Variants in RBFOX1 observed in about 807,000 individuals in gnomAD.
RBFOX1 encodes the protein RNA binding protein fox-1 homolog 1.
Under a neutral mutation model 57.7 loss-of-function variants are expected in RBFOX1, and 8 were observed. That is an observed-to-expected ratio of 0.14 (90% CI 0.08 to 0.25). The LOEUF (loss-of-function observed/expected upper bound fraction) is 0.25. Ranked by LOEUF, RBFOX1 falls within the 10% of genes least tolerant of loss-of-function variation. The pLI, the probability that RBFOX1 is intolerant of heterozygous loss-of-function variation, is 1.00. For synonymous variants in RBFOX1, 326 were observed against 222.4 expected, an observed-to-expected ratio of 1.47 and a Z score of -4.15; for missense variants, 611 against 548.5, an observed-to-expected ratio of 1.11 and a Z score of -1.14.
At chr16:5,812,633 T>C (rs577244172) in intron 3 of RBFOX1, among the ~76,000 whole-genome samples, 5 of 152,026 alleles carry the variant, frequency 3.3e-5, no homozygotes, top group Admixed American at 6.6e-5. Context: ...AAAATTCTTT[T>C]TTATCTTTGG....
intron 1 of RBFOX1, among the ~76,000 whole-genome samples, chr16:5,423,779 TC>T (rs577973911): frequency 1.6e-4 from 25 of 152,296 alleles, no homozygotes; most frequent in Non-Finnish European, 3.1e-4. Flanking sequence ...AATCATCCTC[TC>T]CCTGTTTCGT....
chr16:7,206,476 C>CAT (rs979122011), intron 4 of RBFOX1, among the ~76,000 whole-genome samples: 5 of 148,900 alleles, frequency 3.4e-5, no homozygotes, highest in African/African-American at 9.9e-5. Flanking sequence ...TGCGTGTGTG[C>CAT]ATATATATAT....
At chr16:6,232,354 A>G (rs535486749) in intron 1 of RBFOX1, among the ~76,000 whole-genome samples, 1 of 152,324 alleles carries the variant, frequency 6.6e-6, no homozygotes, top group East Asian at 1.9e-4. Flanking sequence ...ATTCTCAAAG[A>G]AGGGAGGGCT....
chr16:7,562,733 G>T (rs907193438), intron 5 of RBFOX1, among the ~76,000 whole-genome samples: 5 of 150,368 alleles, frequency 3.3e-5, no homozygotes, highest in Non-Finnish European at 7.3e-5. Flanking sequence ...CTTCCCCAGT[G>T]GGGGAAGGAG....
intron 2 of RBFOX1, among the ~76,000 whole-genome samples, chr16:5,515,963 C>T (rs536554128): frequency 6.6e-6 from 1 of 152,132 alleles, no homozygotes; most frequent in African/African-American, 2.4e-5. Context: ...AGAATAGTGC[C>T]ACCAAATCAG....
intron 2 of RBFOX1, among the ~76,000 whole-genome samples, chr16:5,558,170 A>T (rs557934409): frequency 1.1e-4 from 16 of 152,294 alleles, no homozygotes; most frequent in African/African-American, 3.6e-4. Flanking sequence ...CTGGGCGAGA[A>T]CTTGGGATAC....
At chr16:5,953,231 A>G (rs927127470) in intron 4 of RBFOX1, among the ~76,000 whole-genome samples, 1 of 152,212 alleles carries the variant, frequency 6.6e-6, no homozygotes, top group East Asian at 1.9e-4. Flanking sequence ...TGCCCCTCAG[A>G]TAAGGCCATC....
chr16:5,960,906 C>T (rs1361737097), intron 4 of RBFOX1, among the ~76,000 whole-genome samples: 1 of 152,164 alleles, frequency 6.6e-6, no homozygotes, highest in African/African-American at 2.4e-5. Context: ...ACCATAAGCC[C>T]ATTAAACAGA....
At chr16:5,795,251 T>A (rs1462435176) in intron 3 of RBFOX1, among the ~76,000 whole-genome samples, 2 of 152,116 alleles carry the variant, frequency 1.3e-5, no homozygotes, top group Admixed American at 1.3e-4. Flanking sequence ...TGACACTTGG[T>A]TCCTGTTAAG....
intron 1 of RBFOX1, among the ~76,000 whole-genome samples, chr16:5,288,122 A>G (rs578058002): frequency 6.6e-6 from 1 of 152,248 alleles, no homozygotes; most frequent in Admixed American, 6.5e-5. Context: ...TGCGTCCCCA[A>G]GGGACAATGA....
At chr16:7,172,800 TAG>T (rs1211478614) in intron 4 of RBFOX1, among the ~76,000 whole-genome samples, 2 of 152,092 alleles carry the variant, frequency 1.3e-5, no homozygotes, top group Non-Finnish European at 2.9e-5. Flanking sequence ...CTTCCCAATG[TAG>T]AGTTAAACAG....
chr16:5,401,783 C>T (rs1472545236), intron 1 of RBFOX1, among the ~76,000 whole-genome samples: 1 of 150,402 alleles, frequency 6.6e-6, no homozygotes, highest in Non-Finnish European at 1.5e-5. Context: ...CCTCCTCCTC[C>T]TCCTCCTCCT....
intron 3 of RBFOX1, among the ~76,000 whole-genome samples, chr16:5,846,551 G>A (rs1262319905): frequency 6.6e-6 from 1 of 152,210 alleles, no homozygotes; most frequent in Non-Finnish European, 1.5e-5. Flanking sequence ...GGAGGCTCAG[G>A]TGGGTGACCA....
At chr16:6,914,609 C>G (rs958408436) in intron 3 of RBFOX1, among the ~76,000 whole-genome samples, 2 of 151,742 alleles carry the variant, frequency 1.3e-5, no homozygotes, top group Non-Finnish European at 1.5e-5. Flanking sequence ...AGCAGTGGCT[C>G]ACGCCTCTAA....
rs1039009670 is a variant in RBFOX1, at chr16:7,202,897, CT to C, written c.27+150808del. ...TGAAGTACAGCCTCAAAGAAATGTT[CT>C]TTTTTTTTGAGACCGAGTCTCACTG... On this transcript the variant is annotated intron_variant, in intron 4 of 15. Coordinates refer to ENST00000550418, the MANE Select transcript of RBFOX1 (RefSeq NM_018723.4). 4.6e-5 allele frequency among the ~76,000 whole-genome samples: 7 copies of C among 151,556 alleles called. No individual in the cohort carries two copies. The South Asian group carries it at 6.3e-4, about 14-fold the overall frequency.
intron 4 of RBFOX1, among the ~76,000 whole-genome samples, chr16:7,265,289 C>T (rs183272768): frequency 4.0e-5 from 6 of 151,400 alleles, no homozygotes; most frequent in South Asian, 2.1e-4. Flanking sequence ...CATGTGGTCT[C>T]GGTGGCTTAT....
At chr16:6,462,025 A>C (rs2094932054) in intron 2 of RBFOX1, among the ~76,000 whole-genome samples, 1 of 152,228 alleles carries the variant, frequency 6.6e-6, no homozygotes, top group African/African-American at 2.4e-5. Flanking sequence ...ATTAAGAAAA[A>C]GGGTCATGAT....
chr16:6,087,635 C>T (rs574261037), intron 1 of RBFOX1, among the ~76,000 whole-genome samples: 1 of 152,052 alleles, frequency 6.6e-6, no homozygotes, highest in East Asian at 1.9e-4. Flanking sequence ...AACTCATTCC[C>T]CTTGGCTGGA....
At chr16:7,375,243 C>T (rs373209688) in intron 4 of RBFOX1, among the ~76,000 whole-genome samples, 84 of 152,318 alleles carry the variant, frequency 5.5e-4, no homozygotes, top group African/African-American at 1.9e-3. Flanking sequence ...TGTTAAATGA[C>T]ACAGTCTGTA....
Sources: gnomAD v4.1 joint callset for allele counts (sites outside exome capture counted in the v4.1 genomes callset) on GRCh38, gnomAD v4.1.1 for gene constraint, MANE v1.5 for transcripts, NCBI Gene and HGNC (gene_info 2026-07-23, HGNC 2026-07-21) for gene names.